The following MNS1 variants were observed in gnomAD, a reference collection of about 807,000 sequenced individuals.
MNS1 encodes meiosis specific nuclear structural 1.
Under a neutral mutation model 72.0 loss-of-function variants are expected in MNS1, and 63 were observed. That is an observed-to-expected ratio of 0.87 (90% CI 0.71 to 1.08). The LOEUF is 1.08. MNS1 is among the 50% of genes least tolerant of loss of function. The probability of loss-of-function intolerance (pLI) is 0.00; values close to 1 mark genes in which losing one functional copy is unlikely to be tolerated. For synonymous variants in MNS1, 188 were observed against 172.1 expected, an observed-to-expected ratio of 1.09 and a Z score of -0.72; for missense variants, 604 against 562.4, an observed-to-expected ratio of 1.07 and a Z score of -0.75.
Position 56,437,512 on chromosome 15 carries a change from C to G in MNS1, c.1012-3117G>C, listed in dbSNP as rs529575820. ...TGACAAACCCACAGCCAATATCATA[C>G]TGAATGGGCAAAAACTGGAAGCATT... On this transcript the variant is annotated intron_variant, in intron 7 of 9. Transcript: ENST00000260453. Among the ~76,000 whole-genome samples the G allele has an allele frequency of 9.5e-4, 145 of 152,236 alleles. 5 individuals carry two copies. In the South Asian group the frequency reaches 0.029, roughly 30 times the overall value.
Position 56,431,356 on chromosome 15 carries a change from A to AGAT in MNS1, c.1395+14_1395+16dup. ...TACAGGTCATGAAGATTACAACTTG[A>AGAT]GATAAATCTCACTTACTTTAGGGAG... is the stretch of plus-strand genomic sequence containing the variant. On this transcript the variant is annotated intron_variant, in intron 9 of 9. Transcript: ENST00000260453. 1.9e-6 allele frequency: 3 copies of AGAT among 1,608,462 alleles called. No homozygotes were observed. The highest frequency in any genetic ancestry group is 1.7e-6 in the Non-Finnish European group (2 of 1,178,144).
chr15:56,428,882 T>C lies in MNS1; in HGVS notation c.*219A>G. 1 of 494,054 alleles carries C rather than the reference T, an allele frequency of 2.0e-6. No individual in the cohort carries two copies. Among genetic ancestry groups the C allele is most frequent in the South Asian group, 2.7e-5 (1 of 37,272 alleles). 30.6% of individuals were successfully genotyped at this position (494,054 alleles called of 1,614,324 possible). On this transcript the variant is annotated 3_prime_UTR_variant, in exon 10 of 10. Transcript: ENST00000260453. ...GGGATGCAAACAGTGCTCTGTAGTG[T>C]TGTAGAAATCGGATTTTGAAATTAT...
chr15:56,451,370 G>T (rs1212339565), intron 3 of MNS1, among the ~76,000 whole-genome samples: 1 of 152,196 alleles, frequency 6.6e-6, no homozygotes, highest in Non-Finnish European at 1.5e-5. Context: ...AGATACCACA[G>T]AACTTTACTA....
chr15:56,461,975 G>GTTTTTTTTTTTTTT (rs56022687), intron 2 of MNS1, among the ~76,000 whole-genome samples: 5 of 97,902 alleles, frequency 5.1e-5, no homozygotes, highest in African/African-American at 1.2e-4. Flanking sequence ...TTTTGTTGTT[G>GTTTTTTTTTTTTTT]TTTTTTTTTT....
intron 7 of MNS1, among the ~76,000 whole-genome samples, chr15:56,440,785 G>A (rs1165789334): frequency 6.6e-6 from 1 of 152,026 alleles, no homozygotes; most frequent in Non-Finnish European, 1.5e-5. Flanking sequence ...TATAATTAAA[G>A]GTTTATCCAT....
At position 56,443,417 on chromosome 15, in the gene MNS1, T is replaced by A. The variant is rs2050851971; in HGVS notation, c.1011+13A>T. On this transcript the variant is annotated intron_variant, in intron 7 of 9. Transcript: ENST00000260453. ...TCTCTACATTAATCATTCTTTCCATTTCTGAAACTTACTTTTAGCTTGCTC... is the reference window on the plus strand; with the variant it reads ...TCTCTACATTAATCATTCTTTCCATATCTGAAACTTACTTTTAGCTTGCTC... 1 of 1,532,554 alleles carries A rather than the reference T, an allele frequency of 6.5e-7. No individual in the cohort carries two copies. Among genetic ancestry groups the A allele is most frequent in the Non-Finnish European group, 8.8e-7 (1 of 1,140,078 alleles). 94.9% of individuals were successfully genotyped at this position (1,532,554 alleles called of 1,614,324 possible).
intron 8 of MNS1, among the ~76,000 whole-genome samples, chr15:56,432,023 C>T (rs1379270564): frequency 5.3e-5 from 8 of 152,064 alleles, no homozygotes; most frequent in South Asian, 2.1e-4. Context: ...ACTTGAACTA[C>T]GTGAAAGAAC....
At chr15:56,449,245 A>G (rs1169197946) in intron 3 of MNS1, among the ~76,000 whole-genome samples, 1 of 152,138 alleles carries the variant, frequency 6.6e-6, no homozygotes, top group African/African-American at 2.4e-5. Flanking sequence ...TCTCAGTGTC[A>G]GAGGGGAAGT....
chr15:56,431,599 A>G (rs2050598274), intron 8 of MNS1, 101 bp from the exon 9 acceptor site: 14 of 1,074,728 alleles, frequency 1.3e-5, no homozygotes, highest in Non-Finnish European at 1.7e-5. Context: ...AAATTGATGA[A>G]CTATTTATGA....
At chr15:56,456,053 A>T (rs778989975) in intron 3 of MNS1, among the ~76,000 whole-genome samples, 1 of 152,148 alleles carries the variant, frequency 6.6e-6, no homozygotes, top group Non-Finnish European at 1.5e-5. Flanking sequence ...GAAATACTGT[A>T]GGAAATTTAT....
intron 3 of MNS1, among the ~76,000 whole-genome samples, chr15:56,448,751 C>CTTT (rs34366643): frequency 5.9e-5 from 7 of 117,672 alleles, no homozygotes; most frequent in African/African-American, 1.6e-4. Flanking sequence ...TTTTTAGATT[C>CTTT]TTTTTTTTTT....
Position 56,452,108 on chromosome 15 carries a change from C to A in MNS1, c.353+4286G>T, listed in dbSNP as rs371993826. On this transcript the variant is annotated intron_variant, in intron 3 of 9. Transcript: ENST00000260453. ...TTCCCTGTCCTATGTTCTCTCTTCTCTCCTGTTTGCTTCTGTGTTGGGGGT... is the reference window on the plus strand; with the variant it reads ...TTCCCTGTCCTATGTTCTCTCTTCTATCCTGTTTGCTTCTGTGTTGGGGGT... 2.0e-5 allele frequency among the ~76,000 whole-genome samples: 3 copies of A among 152,286 alleles called. 1 individual carries two copies. Among genetic ancestry groups the A allele is most frequent in the Admixed American group, 6.5e-5 (1 of 15,300 alleles).
chr15:56,442,617 C>T (rs1280808716), intron 7 of MNS1, among the ~76,000 whole-genome samples: 1 of 152,126 alleles, frequency 6.6e-6, no homozygotes, highest in Non-Finnish European at 1.5e-5. Flanking sequence ...AGGCCATTAG[C>T]CTATGCTAAT....
chr15:56,461,972 GTT>G, intron 2 of MNS1, among the ~76,000 whole-genome samples: 1 of 9,684 alleles, frequency 1.0e-4, no homozygotes, highest in East Asian at 2.9e-3. Flanking sequence ...TTTTTTTGTT[GTT>G]GTTTTTTTTT....
rs1402045591 is a variant in MNS1, at chr15:56,461,683, C to A, written c.225+2343G>T. Among the ~76,000 whole-genome samples the A allele has an allele frequency of 2.1e-3, 212 of 99,274 alleles. 1 individual carries two copies. The highest frequency in any genetic ancestry group is 5.6e-3 in the African/African-American group (154 of 27,358). The allele number at this position is 99,274 out of a possible 152,430, so 65.1% of individuals were successfully genotyped here. ...CTCAAAAAAAAAAAAAAAAAAAAAA[C>A]GACACAGAGGCAATATAAAAGGGCA... On this transcript the variant is annotated intron_variant, in intron 2 of 9. Transcript: ENST00000260453.
rs1043655206 is a variant in MNS1 at position 56,434,189 on chromosome 15, C to T, written c.1218G>A (p.Arg406=). 19 of 1,613,710 alleles carry T rather than the reference C, an allele frequency of 1.2e-5. No individual in the cohort carries two copies. The highest frequency in any genetic ancestry group is 1.6e-4 in the Middle Eastern group (1 of 6,080). Residue 406 remains arginine (R), a synonymous_variant, in exon 8 of 10, where the codon AGG becomes AGA. Coordinates refer to ENST00000260453, the MANE Select transcript of MNS1 (RefSeq NM_018365.4). ...GCTCTTCAATAAGTTTTTCCACAGC[C>T]CTCCTGTGTTCCAGCTGCTTCATTC... ...KQRMKQLEHR[R]AVEKLIEERR...
chr15:56,458,948 G>T (rs1308448727), intron 2 of MNS1, among the ~76,000 whole-genome samples: 1 of 152,084 alleles, frequency 6.6e-6, no homozygotes, highest in Non-Finnish European at 1.5e-5. Context: ...AAGCTGCCAT[G>T]TTATATTTTT....
intron 5 of MNS1, 45 bp from the exon 6 acceptor site, chr15:56,443,899 AT>A (rs753410164): frequency 1.5e-6 from 2 of 1,352,592 alleles, no homozygotes; most frequent in Middle Eastern, 2.2e-4. Context: ...ACAATAAAAT[AT>A]AAAAAAGTAA....
rs991844969 is a variant in MNS1 at position 56,428,787 on chromosome 15, C to T, written c.*314G>A. 1 of 353,886 alleles carries T rather than the reference C, an allele frequency of 2.8e-6. No homozygotes were observed. The highest frequency in any genetic ancestry group is 5.1e-5 in the East Asian group (1 of 19,608). The allele number at this position is 353,886 out of a possible 1,614,324, so 21.9% of individuals were successfully genotyped here. A position where few individuals can be genotyped will look rare whatever the true frequency, so the allele number is the denominator to read the frequency against. On this transcript the variant is annotated 3_prime_UTR_variant, in exon 10 of 10. Coordinates refer to ENST00000260453, the MANE Select transcript of MNS1 (RefSeq NM_018365.4). Reference sequence around the variant, plus strand: ...ATCAAGTAAGTAAAGTTCGTAAACACAGACAGAAGGCAGTTCACTTTGGGG... The same window carrying T: ...ATCAAGTAAGTAAAGTTCGTAAACATAGACAGAAGGCAGTTCACTTTGGGG...
Sources: gnomAD v4.1 joint callset for allele counts (sites outside exome capture counted in the v4.1 genomes callset) on GRCh38, gnomAD v4.1.1 for gene constraint, MANE v1.5 for transcripts, NCBI Gene and HGNC (gene_info 2026-07-23, HGNC 2026-07-21) for gene names.